The following DENND2B variants were observed in gnomAD, a reference collection of about 807,000 sequenced individuals.
DENND2B encodes the protein DENN domain-containing protein 2B.
Under a neutral mutation model 116.0 loss-of-function variants are expected in DENND2B, and 32 were observed. That is an observed-to-expected ratio of 0.28 (90% CI 0.21 to 0.37). DENND2B has a LOEUF of 0.37. DENND2B is among the 10% of genes least tolerant of loss of function. The pLI is 1.00. For synonymous variants in DENND2B, 588 were observed against 583.9 expected, an observed-to-expected ratio of 1.01 and a Z score of -0.10; for missense variants, 1,276 against 1,477.7, an observed-to-expected ratio of 0.86 and a Z score of 2.24.
chr11:8,711,825 C>G (rs188710856), intron 9 of DENND2B: 30 of 327,332 alleles, frequency 9.2e-5, no homozygotes, highest in African/African-American at 6.2e-4. Flanking sequence ...CGAGATAGCG[C>G]CATTGCACTC....
upstream of DENND2B, chr11:8,811,585 A>T (rs376530898): frequency 2.8e-6 from 1 of 363,460 alleles, no homozygotes; most frequent in Non-Finnish European, 4.9e-6. Flanking sequence ...CCCCATCCCC[A>T]TCCTGTCCCT....
intron 1 of DENND2B, among the ~76,000 whole-genome samples, chr11:8,909,374 CAAAAAAGAA>C (rs1374748528): frequency 1.5e-5 from 2 of 137,846 alleles, no homozygotes; most frequent in Non-Finnish European, 3.2e-5. Flanking sequence ...CTTTATTAAA[CAAAAAAGAA>C]GAAGAAGGAA....
intron 2 of DENND2B, among the ~76,000 whole-genome samples, chr11:8,740,771 C>A (rs1324627242): frequency 6.6e-6 from 1 of 151,692 alleles, no homozygotes; most frequent in Non-Finnish European, 1.5e-5. Flanking sequence ...CATTCTCGGG[C>A]TTCTCTACTA....
At chr11:8,746,087 G>A (rs866690741) in intron 2 of DENND2B, among the ~76,000 whole-genome samples, 2 of 151,398 alleles carry the variant, frequency 1.3e-5, no homozygotes, top group African/African-American at 2.4e-5. Context: ...GAAGCATCTC[G>A]AGTAACAGGG....
chr11:8,729,342 C>T (rs2047681532), intron 3 of DENND2B, among the ~76,000 whole-genome samples: 1 of 152,156 alleles, frequency 6.6e-6, no homozygotes, highest in Non-Finnish European at 1.5e-5. Flanking sequence ...TGAGACTGAC[C>T]AGGAAACCAA....
intron 1 of DENND2B, among the ~76,000 whole-genome samples, chr11:8,895,834 G>A (rs981884842): frequency 3.3e-5 from 5 of 151,902 alleles, no homozygotes; most frequent in South Asian, 2.1e-4. Flanking sequence ...ATGTTGACCA[G>A]GCTGGTCTTG....
chr11:8,707,307 A>C lies in DENND2B; in HGVS notation c.2431-82T>G. The C allele has an allele frequency of 6.5e-7, 1 of 1,534,548 alleles. No individual in the cohort carries two copies. The highest frequency in any genetic ancestry group is 8.8e-7 in the Non-Finnish European group (1 of 1,136,178). On this transcript the variant is annotated intron_variant, in intron 12 of 19. Coordinates refer to ENST00000313726, the MANE Select transcript of DENND2B (RefSeq NM_213618.2). The surrounding 1 kb of genome is among the most constrained non-coding windows in gnomAD (Gnocchi z 4.8). ...CTCCTGGCAGAGAAGAGGGCAGCCA[A>C]GCATCTGACCAGGCTAGCCCAGAAG... is the stretch of plus-strand genomic sequence containing the variant.
intron 1 of DENND2B, chr11:8,808,969 G>C (rs1233177387): frequency 2.0e-5 from 3 of 152,122 alleles, no homozygotes; most frequent in African/African-American, 7.2e-5. Flanking sequence ...ACAGATGTGG[G>C]GATGGTAAAA....
chr11:8,895,845 A>C (rs2064095053), intron 1 of DENND2B, among the ~76,000 whole-genome samples: 1 of 151,904 alleles, frequency 6.6e-6, no homozygotes, highest in Non-Finnish European at 1.5e-5. Flanking sequence ...GCTGGTCTTG[A>C]ACTTCTGGCC....
upstream of DENND2B, chr11:8,871,565 C>T (rs535853081): frequency 3.9e-5 from 6 of 152,298 alleles, no homozygotes; most frequent in Middle Eastern, 3.4e-3. Flanking sequence ...AGCTCTTTCC[C>T]TTCTCCCAGT....
At chr11:8,711,301 C>T (rs2043628787) in intron 9 of DENND2B, 70 bp from the exon 10 acceptor site, 7 of 1,415,208 alleles carry the variant, frequency 4.9e-6, no homozygotes, top group Admixed American at 1.7e-5. Context: ...AGAAGCCCCT[C>T]CTCCCCTGAG....
intron 17 of DENND2B, 129 bp downstream of exon 17, chr11:8,697,396 G>GT (rs1259743014): frequency 1.5e-6 from 1 of 685,352 alleles, no homozygotes; most frequent in African/African-American, 1.8e-5. Flanking sequence ...AGACGCTAGA[G>GT]TGAGACCAAG....
At chr11:8,830,205 A>G (rs938769701) in intron 4 of DENND2B, among the ~76,000 whole-genome samples, 1 of 152,198 alleles carries the variant, frequency 6.6e-6, no homozygotes, top group Non-Finnish European at 1.5e-5. Context: ...TCCAGAGCTC[A>G]GGTCCCTGGC....
intron 16 of DENND2B, among the ~76,000 whole-genome samples, chr11:8,698,356 T>G (rs2040834799): frequency 6.6e-6 from 1 of 152,094 alleles, no homozygotes; most frequent in African/African-American, 2.4e-5. Context: ...TATACTCTGT[T>G]TCTGTGTCCA....
At chr11:8,761,330 T>C (rs2054587343) in intron 1 of DENND2B, among the ~76,000 whole-genome samples, 1 of 152,178 alleles carries the variant, frequency 6.6e-6, no homozygotes, top group African/African-American at 2.4e-5. Flanking sequence ...CTCTGCCCAA[T>C]ATCTTGTCAC....
At chr11:8,800,141 T>TG (rs1428657837) in intron 1 of DENND2B, among the ~76,000 whole-genome samples, 1 of 151,922 alleles carries the variant, frequency 6.6e-6, no homozygotes, top group Non-Finnish European at 1.5e-5. Flanking sequence ...TTTGTAGAGA[T>TG]GGGGGTCTCA....
intron 1 of DENND2B, among the ~76,000 whole-genome samples, chr11:8,753,327 A>G (rs35142456): frequency 5.3e-5 from 8 of 152,258 alleles, no homozygotes; most frequent in African/African-American, 7.2e-5. Context: ...TAACAATAGC[A>G]GCAAAAATAA....
intron 1 of DENND2B, chr11:8,810,010 T>C (rs1477378642): frequency 6.6e-6 from 1 of 151,370 alleles, no homozygotes; most frequent in Non-Finnish European, 1.5e-5. Context: ...CTAGAGGGAC[T>C]TGGAACTCAC....
intron 4 of DENND2B, among the ~76,000 whole-genome samples, chr11:8,822,252 A>C (rs2061794460): frequency 6.6e-6 from 1 of 152,244 alleles, no homozygotes; most frequent in African/African-American, 2.4e-5. Context: ...AAAGATGTAC[A>C]GCATGATAAT....
Sources: gnomAD v4.1 joint callset for allele counts (sites outside exome capture counted in the v4.1 genomes callset) on GRCh38, gnomAD v4.1.1 for gene constraint, Gnocchi (gnomAD v3.1) non-coding constraint, MANE v1.5 for transcripts, NCBI Gene and HGNC (gene_info 2026-07-23, HGNC 2026-07-21) for gene names.